The following PLD5 variants were observed in gnomAD, a reference collection of about 807,000 sequenced individuals.
PLD5 encodes the protein inactive phospholipase D5.
PLD5 carries 36 observed loss-of-function variants against 61.1 expected under a neutral mutation model. The observed-to-expected ratio is 0.59, with a 90% confidence interval of 0.45 to 0.78. The LOEUF (loss-of-function observed/expected upper bound fraction) is 0.78. PLD5 is among the 30% of genes least tolerant of loss of function. The probability of loss-of-function intolerance (pLI) is 0.00; values close to 1 mark genes in which losing one functional copy is unlikely to be tolerated. For missense variants in PLD5, 515 were observed against 644.4 expected (o/e 0.80, Z 2.17); for synonymous variants, 243 against 242.8 (o/e 1.00, Z -0.01).
intron 5 of PLD5, among the ~76,000 whole-genome samples, chr1:242,204,116 G>A (rs568341086): frequency 2.6e-5 from 4 of 151,566 alleles, no homozygotes; most frequent in South Asian, 4.2e-4. Context: ...GGTGGCGGGC[G>A]CCTGTAGTCC....
chr1:242,370,608 C>T (rs116517089), intron 1 of PLD5, among the ~76,000 whole-genome samples: 1,866 of 152,212 alleles, frequency 0.012, 16 homozygotes, highest in Non-Finnish European at 0.018. Context: ...CCATGCACAC[C>T]TCATTCCTGC....
At chr1:242,195,706 C>T (rs539270638) in intron 5 of PLD5, among the ~76,000 whole-genome samples, 77 of 152,282 alleles carry the variant, frequency 5.1e-4, no homozygotes, top group African/African-American at 1.7e-3. Context: ...CATCTGGGGA[C>T]CTCTACCCCA....
chr1:242,476,615 A>C (rs78312399), intron 1 of PLD5, among the ~76,000 whole-genome samples: 7 of 152,334 alleles, frequency 4.6e-5, no homozygotes, highest in Non-Finnish European at 1.0e-4. Context: ...CAGCACTAAG[A>C]TCTACATTTA....
chr1:242,388,824 C>T lies in PLD5; in HGVS notation c.190-40582G>A, dbSNP rs113548557. ...TACAAAAATTAACTGGGCGTGGTGG[C>T]GGGGGCCTGTAATCCCAGCTACTCA... On this transcript the variant is annotated intron_variant, in intron 1 of 9. Coordinates refer to ENST00000536534, the MANE Select transcript of PLD5 (RefSeq NM_001372062.1). Among the ~76,000 whole-genome samples the T allele has an allele frequency of 3.5e-3, 525 of 152,016 alleles. 3 individuals carry two copies. The highest frequency in any genetic ancestry group is 0.012 in the African/African-American group (499 of 41,456).
intron 5 of PLD5, among the ~76,000 whole-genome samples, chr1:242,148,296 A>G (rs1664678467): frequency 9.6e-6 from 1 of 104,686 alleles, no homozygotes; most frequent in African/African-American, 3.2e-5. Flanking sequence ...TTAAAAATCA[A>G]TTGGCCATAT....
At chr1:242,205,551 CAGAG>C (rs2148966097) in intron 5 of PLD5, among the ~76,000 whole-genome samples, 1 of 152,264 alleles carries the variant, frequency 6.6e-6, no homozygotes, top group East Asian at 1.9e-4. Context: ...TATATCAACA[CAGAG>C]AGAATTAATC....
chr1:242,100,845 C>T lies in PLD5; in HGVS notation c.1240-63G>A, dbSNP rs1574294342. ...GAACGTTTCTGGTCTTGTCCAAGAG[C>T]ACAAAAGAATGCATTATCCAAATGT... is the stretch of plus-strand genomic sequence containing the variant. On this transcript the variant is annotated intron_variant, in intron 8 of 9. Transcript: ENST00000536534. 3 of 1,137,790 alleles carry T rather than the reference C, an allele frequency of 2.6e-6. No homozygotes were observed. In the East Asian group the frequency reaches 7.1e-5, roughly 27 times the overall value. 70.5% of individuals were successfully genotyped at this position (1,137,790 alleles called of 1,614,324 possible).
chr1:242,327,057 G>T (rs962169442), intron 2 of PLD5, among the ~76,000 whole-genome samples: 2 of 81,264 alleles, frequency 2.5e-5, no homozygotes, highest in African/African-American at 8.9e-5. Context: ...AGTGGAGATG[G>T]GGTTTCACCG....
At chr1:242,115,368 T>C (rs1661861757) in intron 6 of PLD5, among the ~76,000 whole-genome samples, 1 of 152,096 alleles carries the variant, frequency 6.6e-6, no homozygotes, top group Non-Finnish European at 1.5e-5. Flanking sequence ...CTTGCTGTTA[T>C]TTTTATATCC....
intron 4 of PLD5, among the ~76,000 whole-genome samples, chr1:242,261,905 AACTG>A (rs1673393966): frequency 6.6e-6 from 1 of 152,204 alleles, no homozygotes; most frequent in African/African-American, 2.4e-5. Flanking sequence ...CCACTTAGAA[AACTG>A]ACTGGCCGTA....
chr1:242,132,547 C>G (rs1663378930), intron 5 of PLD5, among the ~76,000 whole-genome samples: 1 of 152,116 alleles, frequency 6.6e-6, no homozygotes, highest in African/African-American at 2.4e-5. Flanking sequence ...GATTTATATT[C>G]TGAGTTGCTG....
intron 1 of PLD5, among the ~76,000 whole-genome samples, chr1:242,462,610 T>TA (rs35055569): frequency 0.65 from 94,420 of 145,858 alleles, 31,084 homozygotes; most frequent in African/African-American, 0.81. Flanking sequence ...AAAGTTGAAA[T>TA]AAAAAAAAAA....
intron 1 of PLD5, among the ~76,000 whole-genome samples, chr1:242,465,090 G>A (rs966068635): frequency 5.3e-5 from 8 of 151,936 alleles, no homozygotes; most frequent in Admixed American, 1.3e-4. Context: ...TCACATCATC[G>A]CGAACATACC....
chr1:242,508,256 C>G (rs1339786873), intron 1 of PLD5, among the ~76,000 whole-genome samples: 2 of 151,920 alleles, frequency 1.3e-5, no homozygotes, highest in Non-Finnish European at 2.9e-5. Context: ...ACCTGTAATC[C>G]CAGCTACTTG....
intron 1 of PLD5, among the ~76,000 whole-genome samples, chr1:242,368,211 C>A (rs969310030): frequency 2.0e-5 from 3 of 152,160 alleles, no homozygotes; most frequent in Non-Finnish European, 4.4e-5. Context: ...TGTAAACAAC[C>A]AAATATTTTC....
In PLD5 at chr1:242,408,291, G is replaced by C. The variant is rs567209641; in HGVS notation, c.190-60049C>G. On this transcript the variant is annotated intron_variant, in intron 1 of 9. Coordinates refer to ENST00000536534, the MANE Select transcript of PLD5 (RefSeq NM_001372062.1). ...CAACAAGATTTTCCTGGCAGAGAAA[G>C]GTGTTAATAATTATGGAGACTAGTT... 2.6e-5 allele frequency among the ~76,000 whole-genome samples: 4 copies of C among 152,308 alleles called. No individual in the cohort carries two copies. In the South Asian group the frequency reaches 8.3e-4, roughly 32 times the overall value.
chr1:242,234,982 G>T (rs956193441), intron 4 of PLD5, among the ~76,000 whole-genome samples: 1 of 152,016 alleles, frequency 6.6e-6, no homozygotes, highest in Non-Finnish European at 1.5e-5. Flanking sequence ...CCTGTGCCTT[G>T]GTTTTCTTCT....
intron 5 of PLD5, among the ~76,000 whole-genome samples, chr1:242,137,025 G>A (rs1458408859): frequency 2.0e-5 from 3 of 152,172 alleles, no homozygotes; most frequent in African/African-American, 7.2e-5. Context: ...TATAACCTGT[G>A]GAGTCCTAAT....
intron 8 of PLD5, among the ~76,000 whole-genome samples, chr1:242,101,574 C>T (rs1660692250): frequency 6.6e-6 from 1 of 152,128 alleles, no homozygotes; most frequent in South Asian, 2.1e-4. Context: ...CAGGTATCCC[C>T]TATATGGGAA....
Sources: gnomAD v4.1 joint callset for allele counts (sites outside exome capture counted in the v4.1 genomes callset) on GRCh38, gnomAD v4.1.1 for gene constraint, MANE v1.5 for transcripts, NCBI Gene and HGNC (gene_info 2026-07-23, HGNC 2026-07-21) for gene names.